The following PTPRQ variants were observed in gnomAD, a reference collection of about 807,000 sequenced individuals.
PTPRQ encodes the protein protein tyrosine phosphatase receptor type Q.
In PTPRQ, 199 loss-of-function variants were observed where a neutral mutation model predicts 246.0. The ratio of observed to expected loss-of-function variants is 0.81; its 90% CI spans 0.72 to 0.91. The LOEUF (loss-of-function observed/expected upper bound fraction) is 0.91. Among genes scored for constraint, PTPRQ ranks in the 40% least tolerant of loss-of-function variants. The pLI, the probability that PTPRQ is intolerant of heterozygous loss-of-function variation, is 0.00. For synonymous variants in PTPRQ, 869 were observed against 853.2 expected (o/e 1.02, Z -0.32); for missense variants, 2,624 against 2,528.4 (o/e 1.04, Z -0.81).
At chr12:80,498,383 G>A (rs560736148) in intron 14 of PTPRQ, among the ~76,000 whole-genome samples, 1 of 152,170 alleles carries the variant, frequency 6.6e-6, no homozygotes, top group East Asian at 1.9e-4. Flanking sequence ...TGGAGGGTTT[G>A]AGAGGTTCAT....
At chr12:80,656,494 C>A (rs1190308340) in intron 38 of PTPRQ, among the ~76,000 whole-genome samples, 1 of 151,918 alleles carries the variant, frequency 6.6e-6, no homozygotes, top group Non-Finnish European at 1.5e-5. Flanking sequence ...AACAAACAAC[C>A]CATCAAAACA....
At chr12:80,651,556 G>A (rs1592760142) in intron 37 of PTPRQ, among the ~76,000 whole-genome samples, 1 of 152,018 alleles carries the variant, frequency 6.6e-6, no homozygotes, top group East Asian at 1.9e-4. Flanking sequence ...TAAATAGGGA[G>A]AATTGTGGCC....
intron 33 of PTPRQ, among the ~76,000 whole-genome samples, chr12:80,628,211 G>C (rs1023981724): frequency 2.6e-5 from 4 of 152,000 alleles, no homozygotes; most frequent in Non-Finnish European, 5.9e-5. Context: ...ATAAAAAAAT[G>C]TACCTAAAAT....
At chr12:80,672,803 T>C (rs1412544815) in intron 42 of PTPRQ, among the ~76,000 whole-genome samples, 3 of 152,110 alleles carry the variant, frequency 2.0e-5, no homozygotes, top group African/African-American at 7.2e-5. Context: ...ACATTTAGCA[T>C]TTCTGCTGGT....
intron 35 of PTPRQ, among the ~76,000 whole-genome samples, chr12:80,640,686 T>C (rs1410838462): frequency 6.6e-6 from 1 of 152,238 alleles, no homozygotes; most frequent in Non-Finnish European, 1.5e-5. Flanking sequence ...GTGTGCTCTA[T>C]ATTTTAAAAT....
At chr12:80,491,188 A>G (rs1035784332) in intron 9 of PTPRQ, among the ~76,000 whole-genome samples, 9 of 151,992 alleles carry the variant, frequency 5.9e-5, no homozygotes, top group African/African-American at 1.9e-4. Context: ...TTTGTCTGAC[A>G]TGGGATAGAA....
At chr12:80,588,582 A>G in intron 26 of PTPRQ, 130 bp downstream of exon 26, 1 of 1,003,004 alleles carries the variant, frequency 1.0e-6, no homozygotes, top group Non-Finnish European at 1.3e-6. Context: ...ACACTACCAT[A>G]TATAACGACA....
intron 27 of PTPRQ, among the ~76,000 whole-genome samples, 174 bp downstream of exon 27, chr12:80,605,354 T>C (rs1460428313): frequency 1.3e-5 from 2 of 151,380 alleles, no homozygotes; most frequent in Admixed American, 6.6e-5. Flanking sequence ...AAACAGGGTA[T>C]GAGGACTGAA....
chr12:80,635,416 A>G (rs1304021775), intron 35 of PTPRQ, among the ~76,000 whole-genome samples: 1 of 152,106 alleles, frequency 6.6e-6, no homozygotes, highest in Non-Finnish European at 1.5e-5. Flanking sequence ...AAGTGTCCAC[A>G]TTTTCAATCA....
At chr12:80,461,679 A>G (rs1893174089) in intron 6 of PTPRQ, among the ~76,000 whole-genome samples, 1 of 150,606 alleles carries the variant, frequency 6.6e-6, no homozygotes, top group South Asian at 2.1e-4. Flanking sequence ...TGTAATTGCT[A>G]ATTTCTGAGG....
intron 14 of PTPRQ, among the ~76,000 whole-genome samples, chr12:80,503,045 A>G (rs915009053): frequency 2.6e-5 from 4 of 151,750 alleles, no homozygotes; most frequent in African/African-American, 9.7e-5. Flanking sequence ...ATGGTATCTA[A>G]TGGAATGGGG....
In PTPRQ at chr12:80,669,476, A is replaced by AG. The variant is rs56788434; in HGVS notation, c.6453+19dup. 3,388 of 1,531,980 alleles carry AG rather than the reference A, an allele frequency of 2.2e-3. 14 individuals carry two copies. The highest frequency in any genetic ancestry group is 9.1e-3 in the South Asian group (728 of 79,996). The allele number at this position is 1,531,980 out of a possible 1,614,324, so 94.9% of individuals were successfully genotyped here. A position where few individuals can be genotyped will look rare whatever the true frequency, so the allele number is the denominator to read the frequency against. ...TGAAAATTGAAAGGGTAAAAAAAAA[A>AG]GGGGGGGACGAGAGAACATGATATA... On this transcript the variant is annotated intron_variant, in intron 41 of 44. Coordinates refer to ENST00000644991, the MANE Select transcript of PTPRQ (RefSeq NM_001145026.2).
intron 37 of PTPRQ, among the ~76,000 whole-genome samples, chr12:80,652,276 A>G (rs1261489290): frequency 6.6e-6 from 1 of 152,126 alleles, no homozygotes; most frequent in Non-Finnish European, 1.5e-5. Context: ...ATGCTTATTA[A>G]GAGCAGGAAT....
At chr12:80,538,535 A>C (rs2031027485) in intron 19 of PTPRQ, among the ~76,000 whole-genome samples, 1 of 152,206 alleles carries the variant, frequency 6.6e-6, no homozygotes. Flanking sequence ...ATTAAAGTTC[A>C]TGGATCATAT....
At chr12:80,577,371 C>G (rs778805737) in intron 25 of PTPRQ, among the ~76,000 whole-genome samples, 1 of 151,946 alleles carries the variant, frequency 6.6e-6, no homozygotes, top group African/African-American at 2.4e-5. Flanking sequence ...GGGGCGAGCC[C>G]CTTATAAAAC....
intron 25 of PTPRQ, among the ~76,000 whole-genome samples, chr12:80,558,476 T>TC (rs1389753269): frequency 6.6e-6 from 1 of 150,890 alleles, no homozygotes; most frequent in Non-Finnish European, 1.5e-5. Flanking sequence ...CCTTTTTTTT[T>TC]TTTTTTTTTT....
intron 6 of PTPRQ, among the ~76,000 whole-genome samples, chr12:80,461,333 T>C (rs1030734386): frequency 5.3e-5 from 8 of 152,188 alleles, no homozygotes; most frequent in African/African-American, 1.9e-4. Context: ...AGCTAAAATA[T>C]ATACCTACTT....
At chr12:80,558,266 C>A (rs945303723) in intron 25 of PTPRQ, among the ~76,000 whole-genome samples, 2 of 151,704 alleles carry the variant, frequency 1.3e-5, no homozygotes, top group Non-Finnish European at 2.9e-5. Context: ...CTCCCGGGTT[C>A]AAGTCATTCT....
chr12:80,556,959 T>C (rs1345560016), intron 25 of PTPRQ, among the ~76,000 whole-genome samples: 3 of 152,160 alleles, frequency 2.0e-5, no homozygotes, highest in African/African-American at 4.8e-5. Context: ...TAGTTTGATG[T>C]GACTGTCCCA....
Sources: gnomAD v4.1 joint callset for allele counts (sites outside exome capture counted in the v4.1 genomes callset) on GRCh38, gnomAD v4.1.1 for gene constraint, MANE v1.5 for transcripts, NCBI Gene and HGNC (gene_info 2026-07-23, HGNC 2026-07-21) for gene names.